Variants in TAFA5 observed in about 807,000 individuals in gnomAD.
TAFA5 encodes chemokine-like protein TAFA-5.
TAFA5 carries 6 observed loss-of-function variants against 15.3 expected under a neutral mutation model. The observed-to-expected ratio is 0.39, with a 90% confidence interval of 0.21 to 0.77. The LOEUF (loss-of-function observed/expected upper bound fraction) is 0.77, where lower values mean the gene tolerates loss of function less well. Ranked by LOEUF, TAFA5 falls within the 30% of genes least tolerant of loss-of-function variation. TAFA5 has a pLI of 0.41. For missense variants in TAFA5, 161 were observed against 193.1 expected (o/e 0.83, Z 0.98); for synonymous variants, 103 against 80.7 (o/e 1.28, Z -1.48).
intron 3 of TAFA5, among the ~76,000 whole-genome samples, chr22:48,713,692 G>A (rs1653973283): frequency 6.6e-6 from 1 of 152,210 alleles, no homozygotes; most frequent in African/African-American, 2.4e-5. Flanking sequence ...GAGCCAGCTT[G>A]CTACGGGGAG....
At chr22:48,697,192 C>A (rs999254594) in intron 2 of TAFA5, among the ~76,000 whole-genome samples, 9 of 152,166 alleles carry the variant, frequency 5.9e-5, no homozygotes, top group African/African-American at 2.2e-4. Flanking sequence ...CTCTGAACCC[C>A]AGCATCCTCA....
intron 1 of TAFA5, among the ~76,000 whole-genome samples, chr22:48,517,662 G>A (rs962224392): frequency 2.3e-4 from 35 of 152,146 alleles, no homozygotes; most frequent in Admixed American, 2.2e-3. Flanking sequence ...TTGCGTCCTG[G>A]TGACAGTCAG....
chr22:48,710,025 A>G (rs1929203579), intron 3 of TAFA5, among the ~76,000 whole-genome samples: 1 of 152,214 alleles, frequency 6.6e-6, no homozygotes, highest in Non-Finnish European at 1.5e-5. Context: ...GCACACTCAC[A>G]GTGCTGTGCC....
intron 2 of TAFA5, among the ~76,000 whole-genome samples, chr22:48,666,152 G>C (rs953663633): frequency 2.0e-5 from 3 of 152,170 alleles, no homozygotes; most frequent in Non-Finnish European, 4.4e-5. Context: ...CCCCAGAGGG[G>C]AGCTGAGCTG....
chr22:48,495,693 C>T (rs1010173152), intron 1 of TAFA5, among the ~76,000 whole-genome samples: 3 of 152,220 alleles, frequency 2.0e-5, no homozygotes, highest in African/African-American at 7.2e-5. Context: ...CTCACACCTG[C>T]TCTCCCTCCT....
At chr22:48,723,118 C>T (rs1929618761) in intron 3 of TAFA5, among the ~76,000 whole-genome samples, 1 of 152,152 alleles carries the variant, frequency 6.6e-6, no homozygotes, top group Non-Finnish European at 1.5e-5. Context: ...CCTGTGTGTG[C>T]CGTCTTCTTG....
At chr22:48,610,148 A>G (rs1925345009) in intron 1 of TAFA5, among the ~76,000 whole-genome samples, 1 of 152,152 alleles carries the variant, frequency 6.6e-6, no homozygotes, top group Non-Finnish European at 1.5e-5. Context: ...TCGGCTCAGC[A>G]GGGTCTGACC....
chr22:48,592,790 C>G (rs180856910), intron 1 of TAFA5, among the ~76,000 whole-genome samples: 54 of 152,298 alleles, frequency 3.5e-4, no homozygotes, highest in Non-Finnish European at 6.0e-4. Flanking sequence ...AGCAGAAACA[C>G]AGTTTTCTGG....
intron 1 of TAFA5, among the ~76,000 whole-genome samples, chr22:48,497,313 C>A (rs535881176): frequency 6.6e-6 from 1 of 152,328 alleles, no homozygotes; most frequent in African/African-American, 2.4e-5. Flanking sequence ...AGGGTTCTTC[C>A]ATCTTCAGGG....
intron 1 of TAFA5, among the ~76,000 whole-genome samples, chr22:48,495,791 T>G (rs1204225245): frequency 1.3e-5 from 2 of 152,114 alleles, no homozygotes; most frequent in African/African-American, 2.4e-5. Context: ...CTGGCTGCCT[T>G]CGACCCTCCT....
At chr22:48,520,671 C>G (rs952633227) in intron 1 of TAFA5, among the ~76,000 whole-genome samples, 4 of 152,034 alleles carry the variant, frequency 2.6e-5, no homozygotes, top group Admixed American at 6.6e-5. Flanking sequence ...TGGGGCAGAG[C>G]CGGGGGTGGC....
At chr22:48,655,433 C>T (rs1927200890) in intron 2 of TAFA5, among the ~76,000 whole-genome samples, 1 of 152,180 alleles carries the variant, frequency 6.6e-6, no homozygotes, top group African/African-American at 2.4e-5. Flanking sequence ...AATCAAGGCA[C>T]TAGCGTGTTC....
At chr22:48,724,368 G>A (rs571093862) in intron 3 of TAFA5, among the ~76,000 whole-genome samples, 1 of 152,298 alleles carries the variant, frequency 6.6e-6, no homozygotes, top group East Asian at 1.9e-4. Context: ...TGGATGAGTG[G>A]GGGATTGCAG....
At chr22:48,661,890 C>T (rs1282714922) in intron 2 of TAFA5, among the ~76,000 whole-genome samples, 1 of 149,844 alleles carries the variant, frequency 6.7e-6, no homozygotes, top group Non-Finnish European at 1.5e-5. Context: ...GGGGTGCCCA[C>T]TTTGGGGAGA....
chr22:48,561,463 C>A (rs756320990), intron 1 of TAFA5, among the ~76,000 whole-genome samples: 3 of 152,154 alleles, frequency 2.0e-5, no homozygotes, highest in African/African-American at 4.8e-5. Flanking sequence ...GTGTTTCCAG[C>A]CTCGTTTCGT....
At chr22:48,508,091 G>A (rs1018908980) in intron 1 of TAFA5, among the ~76,000 whole-genome samples, 2 of 152,198 alleles carry the variant, frequency 1.3e-5, no homozygotes, top group African/African-American at 4.8e-5. Context: ...GGGTGCTGGT[G>A]CAACCCTGAG....
intron 2 of TAFA5, among the ~76,000 whole-genome samples, chr22:48,652,247 G>T (rs555602842): frequency 6.6e-6 from 1 of 152,194 alleles, no homozygotes; most frequent in Non-Finnish European, 1.5e-5. Context: ...CTGGGAGTGC[G>T]CCAAGGTCCC....
chr22:48,613,072 T>A (rs891439290), intron 1 of TAFA5, among the ~76,000 whole-genome samples: 3 of 152,208 alleles, frequency 2.0e-5, no homozygotes, highest in African/African-American at 7.2e-5. Context: ...CACTCTTGGC[T>A]CTGTGGTGCA....
intron 1 of TAFA5, among the ~76,000 whole-genome samples, chr22:48,632,701 C>T (rs1166193293): frequency 6.6e-6 from 1 of 152,194 alleles, no homozygotes; most frequent in Non-Finnish European, 1.5e-5. Context: ...GGAGGTTTTT[C>T]AGTCATGGAT....
Sources: gnomAD v4.1 joint callset for allele counts (sites outside exome capture counted in the v4.1 genomes callset) on GRCh38, gnomAD v4.1.1 for gene constraint, MANE v1.5 for transcripts, NCBI Gene and HGNC (gene_info 2026-07-23, HGNC 2026-07-21) for gene names.